PRIM1: variants seen among roughly 807,000 people sequenced by gnomAD.
PRIM1 encodes DNA primase small subunit.
PRIM1 carries 38 observed loss-of-function variants against 60.2 expected under a neutral mutation model. The observed-to-expected ratio is 0.63, with a 90% CI of 0.49 to 0.83. The LOEUF is 0.83. Ranked by LOEUF, PRIM1 falls within the 40% of genes least tolerant of loss-of-function variation. The pLI, the probability that PRIM1 is intolerant of heterozygous loss-of-function variation, is 0.00. For missense variants in PRIM1, 388 were observed against 506.2 expected (o/e 0.77, Z 2.24); for synonymous variants, 158 against 160.2 (o/e 0.99, Z 0.10).
At chr12:56,738,353 G>C (rs1953848215) in intron 11 of PRIM1, 81 bp downstream of exon 11, 1 of 1,500,336 alleles carries the variant, frequency 6.7e-7, no homozygotes, top group Non-Finnish European at 8.9e-7. Context: ...AGTTGAATCA[G>C]AGAATTAATT....
rs1302737574 is a variant in PRIM1, at chr12:56,739,953, A to G, written c.983-590T>C. 3.9e-5 allele frequency among the ~76,000 whole-genome samples: 6 copies of G among 152,248 alleles called. 1 individual carries two copies. In the South Asian group the frequency reaches 8.3e-4, roughly 21 times the overall value. On this transcript the variant is annotated intron_variant, in intron 9 of 12. Coordinates refer to ENST00000338193, the MANE Select transcript of PRIM1 (RefSeq NM_000946.3). Reference sequence around the variant, plus strand: ...GGAGTTCAAGACCAGCCTGGCCAAGATGGTGAAACCCCGTCTCTACTAAAA... The same window carrying G: ...GGAGTTCAAGACCAGCCTGGCCAAGGTGGTGAAACCCCGTCTCTACTAAAA...
At chr12:56,749,441 G>T (rs959708727) in intron 2 of PRIM1, among the ~76,000 whole-genome samples, 1 of 152,064 alleles carries the variant, frequency 6.6e-6, no homozygotes, top group African/African-American at 2.4e-5. Context: ...CTTGGCCCAA[G>T]AAAAAAATGA....
At chr12:56,735,655 G>GTT (rs899261654) in intron 11 of PRIM1, among the ~76,000 whole-genome samples, 8 of 142,642 alleles carry the variant, frequency 5.6e-5, no homozygotes, top group Non-Finnish European at 6.2e-5. Context: ...GAGTATTCTT[G>GTT]TTTTTTTTTT....
intron 2 of PRIM1, among the ~76,000 whole-genome samples, chr12:56,749,237 G>A (rs915275178): frequency 2.0e-5 from 3 of 152,086 alleles, no homozygotes; most frequent in Non-Finnish European, 4.4e-5. Context: ...TTGAACTCCT[G>A]ACCTCAAGTT....
intron 2 of PRIM1, among the ~76,000 whole-genome samples, chr12:56,750,592 CTT>C (rs758888858): frequency 1.8e-4 from 26 of 143,206 alleles, no homozygotes; most frequent in Non-Finnish European, 2.0e-4. Flanking sequence ...TTATTTCCCT[CTT>C]TTTTTTTTTT....
At position 56,742,983 on chromosome 12, in the gene PRIM1, A is replaced by T; in HGVS notation, c.748+4T>A. The T allele has an allele frequency of 6.6e-7, 1 of 1,523,204 alleles. No homozygotes were observed. Among genetic ancestry groups the T allele is most frequent in the Admixed American group, 2.3e-5 (1 of 43,724 alleles). The allele number at this position is 1,523,204 out of a possible 1,614,324, so 94.4% of individuals were successfully genotyped here. ...CACACAGAAATGATCACGGGAAAGG[A>T]TATTTTCAGGAACAAGGGCTAAAAT... On this transcript the variant is annotated splice_donor_region_variant and intron_variant, in intron 7 of 12. Coordinates refer to ENST00000338193, the MANE Select transcript of PRIM1 (RefSeq NM_000946.3).
At chr12:56,743,239 C>T in intron 6 of PRIM1, 143 bp from the exon 7 acceptor site, 6 of 976,772 alleles carry the variant, frequency 6.1e-6, no homozygotes, top group Non-Finnish European at 8.4e-6. Context: ...GAATACTACC[C>T]TGTGCAGGGT....
intron 2 of PRIM1, among the ~76,000 whole-genome samples, chr12:56,747,500 C>T (rs2137867821): frequency 6.6e-6 from 1 of 152,336 alleles, no homozygotes; most frequent in East Asian, 1.9e-4. Flanking sequence ...AATCCCAGCA[C>T]TTTGAGAGGC....
intron 2 of PRIM1, among the ~76,000 whole-genome samples, 162 bp from the exon 3 acceptor site, chr12:56,747,194 A>T (rs1201745921): frequency 6.6e-6 from 1 of 152,170 alleles, no homozygotes; most frequent in East Asian, 1.9e-4. Flanking sequence ...TTACACATAC[A>T]CTATTGATGA....
In PRIM1 at chr12:56,741,816, T is replaced by TG; in HGVS notation, c.769dup (p.Gln257ProfsTer26). The TG allele has an allele frequency of 6.2e-7, 1 of 1,614,010 alleles. No homozygotes were observed. Among genetic ancestry groups the TG allele is most frequent in the Non-Finnish European group, 8.5e-7 (1 of 1,179,882 alleles). ...TGAATTGTGAGACTTTTGGAAGCTT[T>TG]GTTGAAGTTCATCATGAATTGGTGA... On this transcript the variant is annotated frameshift_variant, in exon 8 of 13. Coordinates refer to ENST00000338193, the MANE Select transcript of PRIM1 (RefSeq NM_000946.3). LOFTEE classifies it high-confidence loss of function.
Position 56,742,586 on chromosome 12 carries a change from AC to A in PRIM1, c.748+400del, listed in dbSNP as rs903256325. On this transcript the variant is annotated intron_variant, in intron 7 of 12. Coordinates refer to ENST00000338193, the MANE Select transcript of PRIM1 (RefSeq NM_000946.3). ...AGACTCCGTCTTAAAAACAACAACA[AC>A]AACAAAAAAACCCCAAACCAAACCA... 1.9e-4 allele frequency among the ~76,000 whole-genome samples: 29 copies of A among 151,456 alleles called. 1 individual carries two copies. The East Asian group carries it at 4.2e-3, about 22-fold the overall frequency.
Position 56,742,588 on chromosome 12 carries a change from AAC to A in PRIM1, c.748+397_748+398del, listed in dbSNP as rs1284317962. On this transcript the variant is annotated intron_variant, in intron 7 of 12. Coordinates refer to ENST00000338193, the MANE Select transcript of PRIM1 (RefSeq NM_000946.3). ...ACTCCGTCTTAAAAACAACAACAAC[AAC>A]AAAAAAACCCCAAACCAAACCAACA... 1.8e-4 allele frequency among the ~76,000 whole-genome samples: 27 copies of A among 148,126 alleles called. 1 individual carries two copies. The East Asian group carries it at 4.3e-3, about 23-fold the overall frequency.
Position 56,746,160 on chromosome 12 carries a change from C to A in PRIM1, c.464G>T (p.Arg155Leu). ...TCTCCTTCCAGAATATACCCAGAGACGATGCTTAAATCCAAAGTCCTCTGA... is the reference window on the plus strand; with the variant it reads ...TCTCCTTCCAGAATATACCCAGAGAAGATGCTTAAATCCAAAGTCCTCTGA... ...ALKEDFGFKH[R>L]LWVYSGRRGV... Residue 155 changes from arginine (R) to leucine (L), a missense_variant, in exon 5 of 13, where the codon CGT becomes CTT. Arg to Leu is a moderately radical substitution (Grantham distance 102). Coordinates refer to ENST00000338193, the MANE Select transcript of PRIM1 (RefSeq NM_000946.3). The A allele has an allele frequency of 1.2e-6, 2 of 1,611,878 alleles. No homozygotes were observed. The highest frequency in any genetic ancestry group is 1.7e-6 in the Non-Finnish European group (2 of 1,179,248).
In PRIM1 at chr12:56,744,012, C is replaced by A. The variant is rs1953889761; in HGVS notation, c.638+53G>T. On this transcript the variant is annotated intron_variant, in intron 6 of 12. Transcript: ENST00000338193. ...ATTGATAGCAAGGTAACTCTAAAGG[C>A]ACATGCCGGTAAATCAGACACCTTA... 2.0e-5 allele frequency: 26 copies of A among 1,300,790 alleles called. No homozygotes were observed. The South Asian group carries it at 3.1e-4, about 16-fold the overall frequency. 80.6% of individuals were successfully genotyped at this position (1,300,790 alleles called of 1,614,324 possible).
At chr12:56,737,000 G>A (rs1310361666) in intron 11 of PRIM1, among the ~76,000 whole-genome samples, 2 of 151,552 alleles carry the variant, frequency 1.3e-5, no homozygotes, top group African/African-American at 4.8e-5. Context: ...TGCCCAGGGT[G>A]GTCTCAAACT....
intron 9 of PRIM1, among the ~76,000 whole-genome samples, chr12:56,740,501 T>C (rs1451253119): frequency 1.3e-5 from 2 of 152,076 alleles, no homozygotes; most frequent in Non-Finnish European, 2.9e-5. Flanking sequence ...GTAATGAGGC[T>C]GGGCGCAGTG....
chr12:56,734,785 TATATATATA>T (rs1410242271), intron 11 of PRIM1, among the ~76,000 whole-genome samples: 3 of 145,818 alleles, frequency 2.1e-5, no homozygotes, highest in African/African-American at 7.5e-5. Flanking sequence ...TATTTATATA[TATATATATA>T]ATATATATAC....
At chr12:56,749,563 A>T (rs1480696138) in intron 2 of PRIM1, among the ~76,000 whole-genome samples, 2 of 152,210 alleles carry the variant, frequency 1.3e-5, no homozygotes, top group Non-Finnish European at 2.9e-5. Flanking sequence ...GAAGTAAAAC[A>T]ACTCCAAAGT....
chr12:56,734,686 G>A (rs1365544463), intron 11 of PRIM1, among the ~76,000 whole-genome samples: 1 of 150,162 alleles, frequency 6.7e-6, no homozygotes, highest in Non-Finnish European at 1.5e-5. Context: ...TGGGATTACA[G>A]ACACATGCCA....
Sources: gnomAD v4.1 joint callset for allele counts (sites outside exome capture counted in the v4.1 genomes callset) on GRCh38, gnomAD v4.1.1 for gene constraint, MANE v1.5 for transcripts, NCBI Gene and HGNC (gene_info 2026-07-23, HGNC 2026-07-21) for gene names.